Variants in PIP4K2A observed in about 807,000 individuals in gnomAD.
PIP4K2A encodes the protein phosphatidylinositol-5-phosphate 4-kinase type 2 alpha, also known as phosphatidylinositol 5-phosphate 4-kinase type-2 alpha.
Under a neutral mutation model 42.9 loss-of-function variants are expected in PIP4K2A, and 14 were observed. The ratio of observed to expected loss-of-function variants is 0.33; its 90% CI spans 0.22 to 0.51. PIP4K2A has a LOEUF of 0.51. Ranked by LOEUF, PIP4K2A falls within the 20% of genes least tolerant of loss-of-function variation. PIP4K2A has a pLI of 0.97. For synonymous variants in PIP4K2A, 192 were observed against 192.2 expected (o/e 1.00, Z 0.01); for missense variants, 434 against 519.8 (o/e 0.83, Z 1.61).
intron 6 of PIP4K2A, among the ~76,000 whole-genome samples, chr10:22,564,765 G>A (rs1255573008): frequency 6.6e-6 from 1 of 152,172 alleles, no homozygotes; most frequent in Admixed American, 6.5e-5. Context: ...GGCCAAAGAA[G>A]CCTCCACCAT....
intron 1 of PIP4K2A, among the ~76,000 whole-genome samples, chr10:22,682,646 T>C (rs1839685797): frequency 6.6e-6 from 1 of 152,194 alleles, no homozygotes; most frequent in Non-Finnish European, 1.5e-5. Context: ...AGGAACCCGC[T>C]GACAAGCACA....
chr10:22,596,978 T>G (rs775647979), intron 3 of PIP4K2A, among the ~76,000 whole-genome samples: 7 of 152,250 alleles, frequency 4.6e-5, no homozygotes, highest in Non-Finnish European at 7.3e-5. Flanking sequence ...AATGCCAATT[T>G]AGAGTGTGAG....
At chr10:22,619,551 C>G (rs1389232708) in intron 1 of PIP4K2A, among the ~76,000 whole-genome samples, 1 of 150,822 alleles carries the variant, frequency 6.6e-6, no homozygotes, top group African/African-American at 2.5e-5. Context: ...ATTCTCCTGT[C>G]TCAGCCTCCC....
At chr10:22,619,325 G>C (rs1762247608) in intron 1 of PIP4K2A, among the ~76,000 whole-genome samples, 1 of 152,090 alleles carries the variant, frequency 6.6e-6, no homozygotes, top group Admixed American at 6.5e-5. Flanking sequence ...AGTTACAGAG[G>C]CAGGAAAAAA....
At position 22,681,997 on chromosome 10, in the gene PIP4K2A, A is replaced by AT. The variant is rs200882164; in HGVS notation, c.144+32185dup. 7.9e-3 allele frequency among the ~76,000 whole-genome samples: 1,155 copies of AT among 146,502 alleles called. 6 individuals carry two copies. Among genetic ancestry groups the AT allele is most frequent in the African/African-American group, 0.024 (978 of 40,108 alleles). On this transcript the variant is annotated intron_variant, in intron 1 of 9. Coordinates refer to ENST00000376573, the MANE Select transcript of PIP4K2A (RefSeq NM_005028.5). ...TTATGAAATACTTTTTTAGAAAACC[A>AT]TTTTTTTTTTTGTACATACGTAAAA...
chr10:22,695,776 C>T (rs1463387349), intron 1 of PIP4K2A, among the ~76,000 whole-genome samples: 1 of 152,140 alleles, frequency 6.6e-6, no homozygotes, highest in African/African-American at 2.4e-5. Context: ...GTGTAAGTAC[C>T]TAACACAATG....
intron 1 of PIP4K2A, among the ~76,000 whole-genome samples, chr10:22,643,206 A>C (rs1838814828): frequency 6.6e-6 from 1 of 151,868 alleles, no homozygotes; most frequent in Non-Finnish European, 1.5e-5. Context: ...CTCACCAATT[A>C]CTAACTCCCT....
intron 1 of PIP4K2A, among the ~76,000 whole-genome samples, chr10:22,663,599 G>A (rs1004359887): frequency 1.3e-5 from 2 of 151,946 alleles, no homozygotes; most frequent in African/African-American, 2.4e-5. Context: ...AAAAGAATAC[G>A]AAGAGAAAAA....
At chr10:22,545,024 A>G (rs1836227661) in intron 7 of PIP4K2A, among the ~76,000 whole-genome samples, 1 of 152,224 alleles carries the variant, frequency 6.6e-6, no homozygotes, top group African/African-American at 2.4e-5. Flanking sequence ...CAAGCAAGGC[A>G]GCCCCAAACG....
Position 22,607,954 on chromosome 10 carries a change from C to A in PIP4K2A, c.312G>T (p.Arg104Ser). Residue 104 changes from arginine (R) to serine (S), a missense_variant, in exon 3 of 10, where the codon AGG (arginine) becomes AGT (serine). Transcript: ENST00000376573. Reference sequence around the variant, plus strand: ...GGAAATCTTGATCATCAATTCCAAACCTCTCCCGCAGGTTACGGAAGACCA... The same window carrying A: ...GGAAATCTTGATCATCAATTCCAAAACTCTCCCGCAGGTTACGGAAGACCA... ...CPMVFRNLRE[R>S]FGIDDQDFQN... The A allele has an allele frequency of 6.2e-6, 10 of 1,612,998 alleles. No homozygotes were observed. The highest frequency in any genetic ancestry group is 8.5e-6 in the Non-Finnish European group (10 of 1,179,106).
chr10:22,578,676 C>A (rs1446963436), intron 4 of PIP4K2A, among the ~76,000 whole-genome samples: 1 of 150,972 alleles, frequency 6.6e-6, no homozygotes, highest in South Asian at 2.1e-4. Flanking sequence ...GTCTCGATAA[C>A]CCCCAAACTT....
chr10:22,601,160 A>AAAAC (rs200872907), intron 3 of PIP4K2A, among the ~76,000 whole-genome samples: 26 of 106,796 alleles, frequency 2.4e-4, no homozygotes, highest in Non-Finnish European at 3.2e-4. Flanking sequence ...AAAAAAAAAA[A>AAAAC]AAACAAACCA....
chr10:22,686,432 C>T (rs775229058), intron 1 of PIP4K2A, among the ~76,000 whole-genome samples: 3 of 152,152 alleles, frequency 2.0e-5, no homozygotes, highest in Non-Finnish European at 4.4e-5. Context: ...GTTGAGAAGT[C>T]ACTCAATAAT....
intron 3 of PIP4K2A, among the ~76,000 whole-genome samples, chr10:22,599,669 A>C (rs916381874): frequency 6.6e-6 from 1 of 152,260 alleles, no homozygotes; most frequent in Non-Finnish European, 1.5e-5. Flanking sequence ...TGTATGATGC[A>C]GGGCAGGTAA....
In PIP4K2A at chr10:22,539,922, A is replaced by AGAGAGAGAGAGAGG. The variant is rs1564411087; in HGVS notation, c.1140+48_1140+49insCCTCTCTCTCTCTC. The AGAGAGAGAGAGAGG allele has an allele frequency of 4.1e-6, 4 of 981,906 alleles. No homozygotes were observed. In the African/African-American group the frequency reaches 5.0e-5, roughly 12 times the overall value. The allele number at this position is 981,906 out of a possible 1,614,324, so 60.8% of individuals were successfully genotyped here. A position where few individuals can be genotyped will look rare whatever the true frequency, so the allele number is the denominator to read the frequency against. ...GAGAGAGAGAGAGAGGGAGAGAGAG[A>AGAGAGAGAGAGAGG]GAGAGAGAGGGAGAGAAAGAGAGAA... On this transcript the variant is annotated intron_variant, in intron 9 of 9. Coordinates refer to ENST00000376573, the MANE Select transcript of PIP4K2A (RefSeq NM_005028.5).
chr10:22,682,824 T>C (rs1483965307), intron 1 of PIP4K2A, among the ~76,000 whole-genome samples: 1 of 152,180 alleles, frequency 6.6e-6, no homozygotes, highest in Non-Finnish European at 1.5e-5. Context: ...TAACCCTTGC[T>C]GGGAACACTT....
chr10:22,666,887 C>T (rs948676158), intron 1 of PIP4K2A, among the ~76,000 whole-genome samples: 12 of 152,192 alleles, frequency 7.9e-5, no homozygotes, highest in African/African-American at 2.4e-4. Context: ...AACCAACATC[C>T]ACATCTCTGC....
chr10:22,563,317 GCA>G (rs1836756268), intron 6 of PIP4K2A, among the ~76,000 whole-genome samples: 1 of 152,182 alleles, frequency 6.6e-6, no homozygotes, highest in African/African-American at 2.4e-5. Flanking sequence ...TCTAATGTTT[GCA>G]CAGTGTAAGA....
chr10:22,674,196 A>T (rs907617812), intron 1 of PIP4K2A, among the ~76,000 whole-genome samples: 4 of 152,224 alleles, frequency 2.6e-5, no homozygotes, highest in African/African-American at 9.6e-5. Flanking sequence ...TCCAGCAACC[A>T]GCAGACACTG....
Sources: gnomAD v4.1 joint callset for allele counts (sites outside exome capture counted in the v4.1 genomes callset) on GRCh38, gnomAD v4.1.1 for gene constraint, MANE v1.5 for transcripts, NCBI Gene and HGNC (gene_info 2026-07-23, HGNC 2026-07-21) for gene names.